CA5B: variants seen among roughly 807,000 people sequenced by gnomAD.
CA5B encodes the protein carbonic anhydrase 5B, mitochondrial.
Under a neutral mutation model 23.1 loss-of-function variants are expected in CA5B, and 15 were observed. The ratio of observed to expected loss-of-function variants is 0.65; its 90% CI spans 0.43 to 1.00. The LOEUF (loss-of-function observed/expected upper bound fraction) is 1.00, where lower values mean the gene tolerates loss of function less well. CA5B is among the 50% of genes least tolerant of loss of function. The probability of loss-of-function intolerance (pLI) is 0.00; values close to 1 mark genes in which losing one functional copy is unlikely to be tolerated. For missense variants in CA5B, 236 were observed against 252.2 expected (o/e 0.94, Z 0.43); for synonymous variants, 84 against 98.5 (o/e 0.85, Z 0.87).
Position 15,783,031 on chromosome X carries a change from G to T in CA5B, c.*367G>T. ...GTAGCTGGGGCTACAGGTGCTGGCC[G>T]CCTGGCCCAGCTTGTAATATCTTTT... On this transcript the variant is annotated 3_prime_UTR_variant, in exon 8 of 8. Coordinates refer to ENST00000318636, the MANE Select transcript of CA5B (RefSeq NM_007220.4). The T allele has an allele frequency of 6.1e-6, 1 of 164,743 alleles. No homozygotes were observed. The highest frequency in any genetic ancestry group is 1.3e-4 in the East Asian group (1 of 7,459). The allele number at this position is 164,743 out of a possible 1,213,427, so 13.6% of individuals were successfully genotyped here.
intron 3 of CA5B, among the ~76,000 whole-genome samples, chrX:15,765,668 TCATTGTCACA>T (rs1931692328): frequency 9.1e-6 from 1 of 109,930 alleles, no homozygotes; most frequent in African/African-American, 3.3e-5. Context: ...AAGGCGTTTT[TCATTGTCACA>T]ACTTGGGAAA....
At chrX:15,740,935 G>A (rs779179900) in intron 1 of CA5B, among the ~76,000 whole-genome samples, 7 of 111,404 alleles carry the variant, frequency 6.3e-5, no homozygotes, top group African/African-American at 2.3e-4. Context: ...GTGGTGGTAC[G>A]CCTGTGGTCC....
At chrX:15,745,496 G>T (rs1430779126) in intron 1 of CA5B, 1 of 112,502 alleles carries the variant, frequency 8.9e-6, no homozygotes, top group East Asian at 2.8e-4. Context: ...TGGTTAAAAT[G>T]ATAACTATTA....
rs5980189 is a variant in CA5B, at chrX:15,784,677, C to T, written c.*2013C>T. ...ACTACTGAACTGTACACTTAAAGATCGTTAGGAAGGAAACGGGACTACATC... is the reference window on the plus strand; with the variant it reads ...ACTACTGAACTGTACACTTAAAGATTGTTAGGAAGGAAACGGGACTACATC... On this transcript the variant is annotated 3_prime_UTR_variant, in exon 8 of 8. Transcript: ENST00000318636. The T allele has an allele frequency of 9.0e-6, 1 of 110,787 alleles. No homozygotes were observed. The highest frequency in any genetic ancestry group is 1.9e-5 in the Non-Finnish European group (1 of 52,848). The allele number at this position is 110,787 out of a possible 1,213,427, so 9.1% of individuals were successfully genotyped here.
At chrX:15,769,682 T>G in intron 3 of CA5B, 1 of 502,154 alleles carries the variant, frequency 2.0e-6, no homozygotes. Context: ...ACATACACAG[T>G]TTAAAACACA....
chrX:15,760,449 G>C (rs965139538), intron 2 of CA5B, among the ~76,000 whole-genome samples: 1 of 111,436 alleles, frequency 9.0e-6, no homozygotes, highest in African/African-American at 3.3e-5. Context: ...CCTTCTGGAA[G>C]CTGAACTTGT....
chrX:15,767,110 C>A, intron 3 of CA5B: 2 of 857,588 alleles, frequency 2.3e-6, no homozygotes, highest in Non-Finnish European at 2.9e-6. Flanking sequence ...TATAGGATAC[C>A]AACCCTCATC....
chrX:15,764,335 C>T (rs915102513), intron 2 of CA5B, among the ~76,000 whole-genome samples: 1 of 109,516 alleles, frequency 9.1e-6, no homozygotes, highest in South Asian at 4.0e-4. Flanking sequence ...CTCGACCTCC[C>T]GGGCTCAATC....
intron 1 of CA5B, among the ~76,000 whole-genome samples, chrX:15,743,616 A>G (rs1214213947): frequency 8.9e-6 from 1 of 112,056 alleles, no homozygotes; most frequent in East Asian, 2.8e-4. Flanking sequence ...ACTCCCATCC[A>G]TCCCGTACTC....
chrX:15,746,206 C>T (rs1445575463), intron 1 of CA5B, among the ~76,000 whole-genome samples: 9 of 108,549 alleles, frequency 8.3e-5, no homozygotes, highest in East Asian at 2.9e-4. Flanking sequence ...CCACCACGCC[C>T]GGCTAATTTT....
chrX:15,757,501 C>T (rs1237234472), intron 2 of CA5B, among the ~76,000 whole-genome samples: 1 of 110,098 alleles, frequency 9.1e-6, no homozygotes, highest in Non-Finnish European at 1.9e-5. Flanking sequence ...AGCGACAGAG[C>T]GAGACTCTGT....
intron 7 of CA5B, among the ~76,000 whole-genome samples, chrX:15,777,821 T>C (rs1038515881): frequency 8.9e-6 from 1 of 112,294 alleles, no homozygotes; most frequent in African/African-American, 3.2e-5. Flanking sequence ...CTTCCCTATC[T>C]TGATAAAAGA....
At position 15,741,413 on chromosome X, in the gene CA5B, A is replaced by T. The variant is rs1011492404; in HGVS notation, c.-54+3061A>T. On this transcript the variant is annotated intron_variant, in intron 1 of 7. Transcript: ENST00000318636. ...AAAAAAAAAAAAAAAATCCCATTTG[A>T]TTAGAGGTATGACCTGCCATCATCT... is the stretch of plus-strand genomic sequence containing the variant. Among the ~76,000 whole-genome samples the T allele has an allele frequency of 8.7e-5, 9 of 103,822 alleles. No individual in the cohort carries two copies. The East Asian group carries it at 2.8e-3, about 32-fold the overall frequency. 90.2% of individuals were successfully genotyped at this position (103,822 alleles called of 115,157 possible).
At chrX:15,762,127 G>A (rs1467325234) in intron 2 of CA5B, among the ~76,000 whole-genome samples, 5 of 109,967 alleles carry the variant, frequency 4.5e-5, no homozygotes, top group Non-Finnish European at 9.5e-5. Flanking sequence ...AAAGTTAGCC[G>A]GGTGTGGTGG....
chrX:15,769,618 C>G (rs1931780272), intron 3 of CA5B: 1 of 749,447 alleles, frequency 1.3e-6, no homozygotes, highest in Non-Finnish European at 1.6e-6. Context: ...AATGCTTTCA[C>G]AAACATTTAA....
At chrX:15,774,473 T>G in intron 5 of CA5B, 76 bp downstream of exon 5, 1 of 1,023,431 alleles carries the variant, frequency 9.8e-7, no homozygotes, top group Non-Finnish European at 1.3e-6. Context: ...TATTGTTATT[T>G]ACTTTAAGAA....
intron 3 of CA5B, among the ~76,000 whole-genome samples, chrX:15,771,204 C>CAAAAA (rs758945690): frequency 2.7e-4 from 8 of 30,120 alleles, no homozygotes; most frequent in African/African-American, 5.3e-4. Context: ...CTCATCTCTA[C>CAAAAA]AAAAAAAAAA....
At chrX:15,768,342 T>C (rs191662387) in intron 3 of CA5B, among the ~76,000 whole-genome samples, 1 of 111,086 alleles carries the variant, frequency 9.0e-6, no homozygotes, top group African/African-American at 3.3e-5. Context: ...GCATGAGTAA[T>C]CTTAGATGGA....
At chrX:15,747,364 G>A (rs1931255842) in intron 1 of CA5B, among the ~76,000 whole-genome samples, 1 of 111,340 alleles carries the variant, frequency 9.0e-6, no homozygotes, top group South Asian at 3.8e-4. Flanking sequence ...AGGCAGTTTA[G>A]GGGAATGGGT....
Sources: gnomAD v4.1 joint callset for allele counts (sites outside exome capture counted in the v4.1 genomes callset) on GRCh38, gnomAD v4.1.1 for gene constraint, MANE v1.5 for transcripts, NCBI Gene and HGNC (gene_info 2026-07-23, HGNC 2026-07-21) for gene names.